AGO1: variants seen among roughly 807,000 people sequenced by gnomAD.
The protein encoded by AGO1 is protein argonaute-1.
A neutral mutation model predicts 109.2 loss-of-function variants in AGO1; 11 were observed. The ratio of observed to expected loss-of-function variants is 0.10; its 90% CI spans 0.06 to 0.17. The LOEUF (loss-of-function observed/expected upper bound fraction) is 0.17, where lower values mean the gene tolerates loss of function less well. Among genes scored for constraint, AGO1 ranks in the 10% least tolerant of loss-of-function variants. The pLI is 1.00. For synonymous variants in AGO1, 422 were observed against 418.6 expected (o/e 1.01, Z -0.10); for missense variants, 574 against 1,140.3 (o/e 0.50, Z 7.15).
At chr1:35,900,879 G>C (rs1449990466) in intron 8 of AGO1, among the ~76,000 whole-genome samples, 3 of 151,974 alleles carry the variant, frequency 2.0e-5, no homozygotes, top group Non-Finnish European at 4.4e-5. Context: ...CTGCACTCCA[G>C]CCTGGGTAAC....
Position 35,927,044 on chromosome 1 carries a change from T to C in AGO1, c.*7437T>C, listed in dbSNP as rs1468870902. 1 of 151,784 alleles carries C rather than the reference T, an allele frequency of 6.6e-6. No individual in the cohort carries two copies. The highest frequency in any genetic ancestry group is 6.6e-5 in the Admixed American group (1 of 15,230). 9.4% of individuals were successfully genotyped at this position (151,784 alleles called of 1,614,324 possible). A position where few individuals can be genotyped will look rare whatever the true frequency, so the allele number is the denominator to read the frequency against. On this transcript the variant is annotated 3_prime_UTR_variant, in exon 19 of 19. Transcript: ENST00000373204. ...CCCATTTTCCAAAGGGAGGGAACTT[T>C]CCTCTTAAAAGAGACAGTGGGAACT...
At chr1:35,897,028 C>T (rs777514875) in intron 8 of AGO1, among the ~76,000 whole-genome samples, 11 of 152,140 alleles carry the variant, frequency 7.2e-5, no homozygotes, top group African/African-American at 1.2e-4. Flanking sequence ...ATATATTTAT[C>T]GAGCTCCTAC....
chr1:35,919,322 C>A lies in AGO1; in HGVS notation c.2465+68C>A. 1 of 1,545,520 alleles carries A rather than the reference C, an allele frequency of 6.5e-7. No homozygotes were observed. Among genetic ancestry groups the A allele is most frequent in the South Asian group, 1.2e-5 (1 of 84,958 alleles). ...ATTGTGCCAGATCTTCTTAACTTTC[C>A]TTGGGTAGAAGGAAATGAGTGCTGT... On this transcript the variant is annotated intron_variant, in intron 18 of 18. Coordinates refer to ENST00000373204, the MANE Select transcript of AGO1 (RefSeq NM_012199.5). This position sits in a 1 kb window ranked among gnomAD's most constrained non-coding sequence, Gnocchi z 6.6.
chr1:35,891,280 T>A (rs1645213488), intron 2 of AGO1, among the ~76,000 whole-genome samples: 1 of 152,184 alleles, frequency 6.6e-6, no homozygotes, highest in Non-Finnish European at 1.5e-5. Context: ...GGTCAGTTGG[T>A]CAGATAAACT....
chr1:35,889,445 C>T (rs2148709312), intron 2 of AGO1, among the ~76,000 whole-genome samples: 1 of 152,022 alleles, frequency 6.6e-6, no homozygotes, highest in Admixed American at 6.5e-5. Context: ...CTCCTGACCC[C>T]AGGTGACCTG....
rs1484473665 is a variant in AGO1 at position 35,923,911 on chromosome 1, G to A, written c.*4304G>A. On this transcript the variant is annotated 3_prime_UTR_variant, in exon 19 of 19. Transcript: ENST00000373204. Reference sequence around the variant, plus strand: ...ATTTGTTGAATGCACTGAGTCCCTTGGTGTAGTAGCAATAAGGAAAAATGA... The same window carrying A: ...ATTTGTTGAATGCACTGAGTCCCTTAGTGTAGTAGCAATAAGGAAAAATGA... 6.6e-6 allele frequency: 1 copy of A among 152,626 alleles called. No individual in the cohort carries two copies. Among genetic ancestry groups the A allele is most frequent in the African/African-American group, 2.4e-5 (1 of 41,446 alleles). The allele number at this position is 152,626 out of a possible 1,614,324, so 9.5% of individuals were successfully genotyped here.
At position 35,923,040 on chromosome 1, in the gene AGO1, G is replaced by A. The variant is rs1645861848; in HGVS notation, c.*3433G>A. 2.0e-5 allele frequency: 3 copies of A among 152,282 alleles called. No homozygotes were observed. The South Asian group carries it at 6.2e-4, about 32-fold the overall frequency. 9.4% of individuals were successfully genotyped at this position (152,282 alleles called of 1,614,324 possible). ...GAGAATGGAGAGAATTTGAATAAAA[G>A]GTGGGAAAGGAGAGCACTGTTCTTT... On this transcript the variant is annotated 3_prime_UTR_variant, in exon 19 of 19. Transcript: ENST00000373204.
At position 35,923,253 on chromosome 1, in the gene AGO1, C is replaced by T. The variant is rs1197273641; in HGVS notation, c.*3646C>T. 6.6e-6 allele frequency: 1 copy of T among 152,204 alleles called. No homozygotes were observed. The allele number at this position is 152,204 out of a possible 1,614,324, so 9.4% of individuals were successfully genotyped here. A position where few individuals can be genotyped will look rare whatever the true frequency, so the allele number is the denominator to read the frequency against. ...TGCTAGATAGCTTCTCTGTGGCCTC[C>T]TATTTAGCTAAGCAGCAGTGTTTTT... On this transcript the variant is annotated 3_prime_UTR_variant, in exon 19 of 19. Coordinates refer to ENST00000373204, the MANE Select transcript of AGO1 (RefSeq NM_012199.5).
Position 35,893,464 on chromosome 1 carries a change from A to G in AGO1, c.512+186A>G. 1.2e-6 allele frequency: 1 copy of G among 815,768 alleles called. No individual in the cohort carries two copies. Among genetic ancestry groups the G allele is most frequent in the East Asian group, 2.7e-5 (1 of 36,936 alleles). 50.5% of individuals were successfully genotyped at this position (815,768 alleles called of 1,614,324 possible). On this transcript the variant is annotated intron_variant, in intron 4 of 18. Coordinates refer to ENST00000373204, the MANE Select transcript of AGO1 (RefSeq NM_012199.5). The surrounding 1 kb of genome is among the most constrained non-coding windows in gnomAD (Gnocchi z 5.6). The stretch of plus-strand genomic sequence containing the variant: ...TTAAAGCCCTGGCCCTGAACTTCTT[A>G]GATATCTTTGGGCCTCATCCCATCT...
At chr1:35,895,008 A>G in intron 7 of AGO1, 114 bp from the exon 8 acceptor site, 1 of 1,289,862 alleles carries the variant, frequency 7.8e-7, no homozygotes, top group Non-Finnish European at 1.1e-6. Flanking sequence ...CCTGCACATC[A>G]TATTGGGGCC....
intron 1 of AGO1, among the ~76,000 whole-genome samples, chr1:35,884,633 CA>C (rs1645090395): frequency 6.6e-6 from 1 of 152,174 alleles, no homozygotes; most frequent in South Asian, 2.1e-4. Flanking sequence ...CTAAACCCTA[CA>C]AACACGTTGG....
chr1:35,909,385 C>G (rs1017713846), intron 12 of AGO1, among the ~76,000 whole-genome samples: 1 of 152,210 alleles, frequency 6.6e-6, no homozygotes, highest in Non-Finnish European at 1.5e-5. Context: ...TTCTAAGCAT[C>G]ATGAATTAAT....
intron 7 of AGO1, 40 bp downstream of exon 7, chr1:35,894,442 A>G (rs1645281057): frequency 6.3e-7 from 1 of 1,590,538 alleles, no homozygotes; most frequent in African/African-American, 1.3e-5. Context: ...TTGTTGGTGG[A>G]GAAGGGCTGA....
At chr1:35,874,416 A>G (rs1644977388) in intron 1 of AGO1, among the ~76,000 whole-genome samples, 1 of 152,166 alleles carries the variant, frequency 6.6e-6, no homozygotes, top group Non-Finnish European at 1.5e-5. Flanking sequence ...GACTCAAGTG[A>G]TCCTCCTGCC....
intron 1 of AGO1, among the ~76,000 whole-genome samples, chr1:35,874,189 G>A (rs1185108181): frequency 6.6e-6 from 1 of 152,188 alleles, no homozygotes; most frequent in Non-Finnish European, 1.5e-5. Flanking sequence ...TTTAGAGACA[G>A]GGTCTCATTC....
At chr1:35,906,356 C>T (rs939895516) in intron 11 of AGO1, among the ~76,000 whole-genome samples, 4 of 152,176 alleles carry the variant, frequency 2.6e-5, no homozygotes, top group African/African-American at 7.2e-5. Flanking sequence ...GCTGCTTGAG[C>T]GGGGCAAGGT....
chr1:35,913,360 G>T (rs771476946), intron 12 of AGO1, among the ~76,000 whole-genome samples: 4 of 152,120 alleles, frequency 2.6e-5, no homozygotes, highest in African/African-American at 9.7e-5. Context: ...ATCTCCTCTG[G>T]TAGGTCAGTC....
rs1296078355 is a variant in AGO1, at chr1:35,883,255, G to A, written c.-167G>A. On this transcript the variant is annotated 5_prime_UTR_variant, in exon 1 of 19. Coordinates refer to ENST00000373204, the MANE Select transcript of AGO1 (RefSeq NM_012199.5). This position sits in a 1 kb window ranked among gnomAD's most constrained non-coding sequence, Gnocchi z 5.4. ...CGCAGTGGGAGCTGCTGCAGGCTCC[G>A]CGGCGGCGGCAACGGAGGCTGCGGG... 3.0e-6 allele frequency: 4 copies of A among 1,344,516 alleles called. No homozygotes were observed. The highest frequency in any genetic ancestry group is 4.2e-5 in the Admixed American group (1 of 23,860). The allele number at this position is 1,344,516 out of a possible 1,614,324, so 83.3% of individuals were successfully genotyped here.
At chr1:35,895,005 A>G (rs1322019389) in intron 7 of AGO1, 117 bp from the exon 8 acceptor site, 4 of 1,269,116 alleles carry the variant, frequency 3.2e-6, no homozygotes, top group Non-Finnish European at 4.3e-6. Flanking sequence ...CTTCCTGCAC[A>G]TCATATTGGG....
Sources: gnomAD v4.1 joint callset for allele counts (sites outside exome capture counted in the v4.1 genomes callset) on GRCh38, gnomAD v4.1.1 for gene constraint, Gnocchi (gnomAD v3.1) non-coding constraint, MANE v1.5 for transcripts, NCBI Gene and HGNC (gene_info 2026-07-23, HGNC 2026-07-21) for gene names.